Variants in ERO1A observed in about 807,000 individuals in gnomAD.
ERO1A encodes endoplasmic reticulum oxidoreductase 1 alpha.
Under a neutral mutation model 76.9 loss-of-function variants are expected in ERO1A, and 49 were observed. The ratio of observed to expected loss-of-function variants is 0.64; its 90% CI spans 0.51 to 0.81. ERO1A has a LOEUF of 0.81. ERO1A is among the 30% of genes least tolerant of loss of function. The pLI, the probability that ERO1A is intolerant of heterozygous loss-of-function variation, is 0.00. For missense variants in ERO1A, 448 were observed against 542.1 expected (o/e 0.83, Z 1.72); for synonymous variants, 174 against 181.2 (o/e 0.96, Z 0.32).
chr14:52,685,334 A>G lies in ERO1A; in HGVS notation c.115-1427T>C, dbSNP rs147705503. On this transcript the variant is annotated intron_variant, in intron 1 of 15. Transcript: ENST00000395686. Reference sequence around the variant, plus strand: ...TCAGATCTACATATTTTGTCATGTAATAACTATTTTCATTTCATATGCAAA... The same window carrying G: ...TCAGATCTACATATTTTGTCATGTAGTAACTATTTTCATTTCATATGCAAA... Among the ~76,000 whole-genome samples the G allele has an allele frequency of 6.6e-5, 10 of 152,320 alleles. 1 individual carries two copies. The East Asian group carries it at 1.9e-3, about 29-fold the overall frequency.
At position 52,642,708 on chromosome 14, in the gene ERO1A, G is replaced by A. The variant is rs1461141637; in HGVS notation, c.*862C>T. On this transcript the variant is annotated 3_prime_UTR_variant, in exon 16 of 16. Coordinates refer to ENST00000395686, the MANE Select transcript of ERO1A (RefSeq NM_014584.3). ...ATGAACAATTAGTGAATCTGGGTAA[G>A]AGAGCTCTTTGTACTATTTTTGAAA... 1 of 152,544 alleles carries A rather than the reference G, an allele frequency of 6.6e-6. No individual in the cohort carries two copies. Among genetic ancestry groups the A allele is most frequent in the African/African-American group, 2.4e-5 (1 of 41,428 alleles). The allele number at this position is 152,544 out of a possible 1,614,324, so 9.4% of individuals were successfully genotyped here.
At chr14:52,695,203 C>G (rs2041510317) in intron 1 of ERO1A, among the ~76,000 whole-genome samples, 165 bp downstream of exon 1, 1 of 152,164 alleles carries the variant, frequency 6.6e-6, no homozygotes, top group Non-Finnish European at 1.5e-5. Flanking sequence ...CGGTCCACGC[C>G]AAGCCAGACT....
intron 4 of ERO1A, 101 bp downstream of exon 4, chr14:52,678,333 C>T (rs1227900322): frequency 1.2e-6 from 1 of 827,082 alleles, no homozygotes; most frequent in East Asian, 2.5e-5. Context: ...CAAGGGGTTT[C>T]ACCACTGGAA....
intron 13 of ERO1A, among the ~76,000 whole-genome samples, chr14:52,648,833 G>T (rs1370816453): frequency 2.6e-5 from 4 of 152,136 alleles, no homozygotes; most frequent in Admixed American, 6.5e-5. Context: ...AGCAGGCATG[G>T]CTGCTTACAA....
At position 52,664,785 on chromosome 14, in the gene ERO1A, G is replaced by A. The variant is rs562480516; in HGVS notation, c.630-938C>T. Among the ~76,000 whole-genome samples, 8 of 152,014 alleles carry A rather than the reference G, an allele frequency of 5.3e-5. No individual in the cohort carries two copies. In the East Asian group the frequency reaches 5.9e-4, roughly 11 times the overall value. ...GGGCTCACTGCAAGCTCCGCCTCCCGGGTTCACGCCATTCTCCTGCCTCAG... is the reference window on the plus strand; with the variant it reads ...GGGCTCACTGCAAGCTCCGCCTCCCAGGTTCACGCCATTCTCCTGCCTCAG... On this transcript the variant is annotated intron_variant, in intron 7 of 15. Transcript: ENST00000395686.
At chr14:52,649,897 G>A (rs2039796989) in intron 13 of ERO1A, among the ~76,000 whole-genome samples, 1 of 152,184 alleles carries the variant, frequency 6.6e-6, no homozygotes, top group Non-Finnish European at 1.5e-5. Flanking sequence ...ATGAAAAGCA[G>A]AGGAAGATTT....
chr14:52,657,491 C>T (rs937881070), intron 11 of ERO1A, among the ~76,000 whole-genome samples: 1 of 152,188 alleles, frequency 6.6e-6, no homozygotes, highest in African/African-American at 2.4e-5. Context: ...TGATGAAAAT[C>T]AACCACAGTC....
chr14:52,674,707 G>A (rs2139728572), intron 4 of ERO1A, among the ~76,000 whole-genome samples: 1 of 152,310 alleles, frequency 6.6e-6, no homozygotes, highest in East Asian at 1.9e-4. Context: ...TCAAAACAGT[G>A]GTTGCCTCTG....
intron 4 of ERO1A, among the ~76,000 whole-genome samples, chr14:52,673,632 C>T (rs1242459649): frequency 6.6e-6 from 1 of 152,200 alleles, no homozygotes; most frequent in Non-Finnish European, 1.5e-5. Flanking sequence ...AAAGTAAGTA[C>T]TATCATACTA....
chr14:52,666,312 T>G lies in ERO1A; in HGVS notation c.629+63A>C. ...ATTTTTAATTTTAAATCATTATGATTTTGTTTATAAAGAGAAATCACCACA... is the reference window on the plus strand; with the variant it reads ...ATTTTTAATTTTAAATCATTATGATGTTGTTTATAAAGAGAAATCACCACA... On this transcript the variant is annotated intron_variant, in intron 7 of 15. Transcript: ENST00000395686. The G allele has an allele frequency of 4.3e-6, 5 of 1,175,832 alleles. No homozygotes were observed. In the South Asian group the frequency reaches 5.6e-5, roughly 13 times the overall value. The allele number at this position is 1,175,832 out of a possible 1,614,324, so 72.8% of individuals were successfully genotyped here.
chr14:52,658,253 G>GTAAA (rs1421403390), intron 9 of ERO1A, 103 bp from the exon 10 acceptor site: 1 of 784,328 alleles, frequency 1.3e-6, no homozygotes, highest in Non-Finnish European at 2.1e-6. Flanking sequence ...AAACAACAAT[G>GTAAA]TAAAGATTAT....
Position 52,657,969 on chromosome 14 carries a change from A to G in ERO1A, c.756T>C (p.Ser252=). The change falls in exon 11 of 16, where the codon TCT becomes TCC. Residue 252 remains serine, a synonymous_variant. Coordinates refer to ENST00000395686, the MANE Select transcript of ERO1A (RefSeq NM_014584.3). ...GCACATTAATGCTTGCATGTAGGCC[A>G]GATATAAGTCTGTAGAATGCTCTTT... ...VEKRAFYRLI[S]GLHASINVHL... The G allele has an allele frequency of 6.2e-7, 1 of 1,612,656 alleles. No homozygotes were observed. Among genetic ancestry groups the G allele is most frequent in the Non-Finnish European group, 8.5e-7 (1 of 1,179,424 alleles).
chr14:52,670,682 A>G (rs546482273), intron 6 of ERO1A, among the ~76,000 whole-genome samples: 29 of 152,366 alleles, frequency 1.9e-4, no homozygotes, highest in Non-Finnish European at 3.8e-4. Context: ...AGGAATATAC[A>G]TAACAATCCA....
rs139189144 is a variant in ERO1A at position 52,646,691 on chromosome 14, A to G, written c.1126-230T>C. ...TATTATTATAATCTACACCTAATGAATGTAAAAAACAAGATTCAGAGTGTT... is the reference window on the plus strand; with the variant it reads ...TATTATTATAATCTACACCTAATGAGTGTAAAAAACAAGATTCAGAGTGTT... On this transcript the variant is annotated intron_variant, in intron 13 of 15. Transcript: ENST00000395686. The G allele has an allele frequency of 7.0e-4, 265 of 376,702 alleles. 1 individual carries two copies. The highest frequency in any genetic ancestry group is 4.8e-3 in the African/African-American group (232 of 48,090). 23.3% of individuals were successfully genotyped at this position (376,702 alleles called of 1,614,324 possible).
At chr14:52,644,639 C>A (rs8005230) in intron 15 of ERO1A, among the ~76,000 whole-genome samples, 9,938 of 152,002 alleles carry the variant, frequency 0.065, 995 homozygotes, top group African/African-American at 0.21. Context: ...ACAGAAATAT[C>A]ATTTTTAAAT....
intron 13 of ERO1A, among the ~76,000 whole-genome samples, chr14:52,647,649 A>G (rs994138400): frequency 2.0e-5 from 3 of 152,268 alleles, no homozygotes; most frequent in East Asian, 3.9e-4. Context: ...TAATCTAAAC[A>G]TAGTATATGT....
intron 4 of ERO1A, among the ~76,000 whole-genome samples, chr14:52,673,843 C>A (rs984536647): frequency 1.3e-5 from 2 of 150,990 alleles, no homozygotes; most frequent in Non-Finnish European, 2.9e-5. Context: ...ACTCAAGCAA[C>A]CCTCCCACCT....
intron 8 of ERO1A, 98 bp downstream of exon 8, chr14:52,663,703 G>C (rs1452260959): frequency 2.8e-6 from 2 of 718,548 alleles, no homozygotes; most frequent in African/African-American, 1.8e-5. Context: ...TGGATTATAT[G>C]ACTTCAACTG....
At chr14:52,665,634 C>CA (rs113542082) in intron 7 of ERO1A, among the ~76,000 whole-genome samples, 19,591 of 152,098 alleles carry the variant, frequency 0.13, 1,361 homozygotes, top group East Asian at 0.21. Context: ...ACATTGATCC[C>CA]AAAACCAGTG....
Sources: allele counts gnomAD v4.1 joint callset (sites outside exome capture counted in the v4.1 genomes callset), GRCh38; gene constraint gnomAD v4.1.1; transcripts MANE v1.5; gene names NCBI Gene and HGNC (gene_info 2026-07-23, HGNC 2026-07-21).